MEIKIN: variants seen among roughly 807,000 people sequenced by gnomAD.
The protein encoded by MEIKIN is meiosis-specific kinetochore protein.
intron 7 of MEIKIN, among the ~76,000 whole-genome samples, chr5:131,915,765 G>T (rs982368658): frequency 6.6e-5 from 10 of 152,006 alleles, no homozygotes; most frequent in African/African-American, 2.4e-4. Flanking sequence ...AGGGGAGAAG[G>T]GTGATGAGGG....
intron 5 of MEIKIN, among the ~76,000 whole-genome samples, chr5:131,927,460 G>A (rs1751605994): frequency 6.6e-6 from 1 of 152,162 alleles, no homozygotes; most frequent in Non-Finnish European, 1.5e-5. Context: ...AGAATGTTTT[G>A]TATACATGTT....
intron 8 of MEIKIN, among the ~76,000 whole-genome samples, chr5:131,905,023 A>C (rs1369153712): frequency 6.6e-6 from 1 of 152,192 alleles, no homozygotes; most frequent in African/African-American, 2.4e-5. Context: ...ATTAGGAGAC[A>C]TACCTAATGT....
chr5:131,846,641 C>T (rs1364967848), intron 11 of MEIKIN, among the ~76,000 whole-genome samples: 3 of 152,062 alleles, frequency 2.0e-5, no homozygotes, highest in Non-Finnish European at 2.9e-5. Context: ...ACAAACATGA[C>T]AAAACCCTGT....
rs1232495989 is a variant in MEIKIN at position 131,933,493 on chromosome 5, G to A, written c.478+20C>T. The A allele has an allele frequency of 2.5e-6, 1 of 397,856 alleles. No individual in the cohort carries two copies. The highest frequency in any genetic ancestry group is 3.6e-5 in the East Asian group (1 of 27,976). The allele number at this position is 397,856 out of a possible 1,614,324, so 24.6% of individuals were successfully genotyped here. On this transcript the variant is annotated intron_variant, in intron 5 of 12. Transcript: ENST00000442687. The stretch of plus-strand genomic sequence containing the variant: ...TAATTTCTATAGTAGAGCAATTTAA[G>A]GTTGGAATTACTTTCTCACCTAAAT...
At chr5:131,884,110 G>C (rs1216656607) in intron 8 of MEIKIN, among the ~76,000 whole-genome samples, 1 of 146,896 alleles carries the variant, frequency 6.8e-6, no homozygotes, top group Non-Finnish European at 1.5e-5. Flanking sequence ...ACTCCCAGGC[G>C]AGTCCTAGTG....
At chr5:131,938,883 T>A (rs577631970) in intron 4 of MEIKIN, among the ~76,000 whole-genome samples, 1 of 152,342 alleles carries the variant, frequency 6.6e-6, no homozygotes, top group Non-Finnish European at 1.5e-5. Context: ...AATGGCATAA[T>A]AACTTGGGCT....
chr5:131,821,050 G>A (rs941156027), intron 11 of MEIKIN, among the ~76,000 whole-genome samples: 4 of 151,948 alleles, frequency 2.6e-5, no homozygotes, highest in Non-Finnish European at 4.4e-5. Flanking sequence ...TTTTGGGTTT[G>A]CTTTGCTCCT....
rs116212518 is a variant in MEIKIN, at chr5:131,930,156, T to C, written c.478+3357A>G. Among the ~76,000 whole-genome samples, 486 of 152,338 alleles carry C rather than the reference T, an allele frequency of 3.2e-3. 3 individuals carry two copies. The highest frequency in any genetic ancestry group is 0.011 in the African/African-American group (462 of 41,588). ...ATTCCTCCTGTGTACCAGCAGTGTATAAGCTTTCCCTTTTCTCTACAATCT... is the reference window on the plus strand; with the variant it reads ...ATTCCTCCTGTGTACCAGCAGTGTACAAGCTTTCCCTTTTCTCTACAATCT... On this transcript the variant is annotated intron_variant, in intron 5 of 12. Transcript: ENST00000442687.
At chr5:131,862,198 A>G (rs528156376) in intron 9 of MEIKIN, among the ~76,000 whole-genome samples, 5 of 152,146 alleles carry the variant, frequency 3.3e-5, no homozygotes, top group African/African-American at 1.2e-4. Flanking sequence ...TGTTTCCAGG[A>G]GTTTACCCAT....
In MEIKIN at chr5:131,866,222, T is replaced by C. The variant is rs181001768; in HGVS notation, c.775-11388A>G. ...CAGATCTGCAAGTGGCACATGCTGG[T>C]GAATGCCAGCTGTGGTGGTAGTGGC... On this transcript the variant is annotated intron_variant, in intron 9 of 12. Coordinates refer to ENST00000442687, the MANE Select transcript of MEIKIN (RefSeq NM_001303622.2). Among the ~76,000 whole-genome samples the C allele has an allele frequency of 2.1e-4, 32 of 152,280 alleles. No homozygotes were observed. The East Asian group carries it at 5.6e-3, about 27-fold the overall frequency.
chr5:131,885,362 AGAGAGAGAGAGAGAGAGAG>A (rs1750768243), intron 8 of MEIKIN, among the ~76,000 whole-genome samples: 2 of 26,460 alleles, frequency 7.6e-5, no homozygotes, highest in African/African-American at 1.1e-4. Context: ...AGAGAGAGAG[AGAGAGAGAGAGAGAGAGAG>A]AGAGAGAGAG....
intron 11 of MEIKIN, among the ~76,000 whole-genome samples, chr5:131,831,229 C>T (rs186969372): frequency 2.2e-4 from 33 of 152,310 alleles, no homozygotes; most frequent in Non-Finnish European, 4.0e-4. Flanking sequence ...GGATTCATCA[C>T]TCTCCTTCCC....
chr5:131,934,704 A>G lies in MEIKIN; in HGVS notation c.350-1063T>C, dbSNP rs150951918. Among the ~76,000 whole-genome samples, 670 of 152,346 alleles carry G rather than the reference A, an allele frequency of 4.4e-3. 12 individuals carry two copies. Among genetic ancestry groups the G allele is most frequent in the African/African-American group, 0.016 (651 of 41,582 alleles). ...CACTAAAAAAGATTCATAAAACAAT[A>G]GCACTGATAATTTGGACTTCAGCAA... On this transcript the variant is annotated intron_variant, in intron 4 of 12. Transcript: ENST00000442687.
At chr5:131,841,650 T>C (rs1295608987) in intron 11 of MEIKIN, among the ~76,000 whole-genome samples, 2 of 152,220 alleles carry the variant, frequency 1.3e-5, no homozygotes, top group African/African-American at 4.8e-5. Context: ...ATCTGGATAA[T>C]GATTGTAACG....
intron 4 of MEIKIN, among the ~76,000 whole-genome samples, chr5:131,936,128 A>G (rs1168084991): frequency 6.6e-6 from 1 of 152,228 alleles, no homozygotes; most frequent in Non-Finnish European, 1.5e-5. Flanking sequence ...AGGAAAGCCC[A>G]CCATCTGGGT....
At chr5:131,911,589 T>G (rs769874830) in intron 8 of MEIKIN, among the ~76,000 whole-genome samples, 1 of 151,810 alleles carries the variant, frequency 6.6e-6, no homozygotes. Context: ...ATTCATTAAA[T>G]GTTTATTAAA....
At chr5:131,890,833 T>C (rs1750898857) in intron 8 of MEIKIN, among the ~76,000 whole-genome samples, 2 of 152,224 alleles carry the variant, frequency 1.3e-5, no homozygotes, top group Admixed American at 6.5e-5. Flanking sequence ...AGATCTTTCC[T>C]GCTTTCTCTT....
At chr5:131,904,177 C>T (rs1476275577) in intron 8 of MEIKIN, among the ~76,000 whole-genome samples, 1 of 152,126 alleles carries the variant, frequency 6.6e-6, no homozygotes, top group African/African-American at 2.4e-5. Context: ...AAAGCAAGTT[C>T]TTAGAGACCT....
At chr5:131,942,585 G>T (rs916705624) in intron 4 of MEIKIN, 50 bp downstream of exon 4, 2 of 397,860 alleles carry the variant, frequency 5.0e-6, no homozygotes, top group Non-Finnish European at 8.9e-6. Context: ...GGATGCTTAT[G>T]TTTGGAGGAA....
Sources: gnomAD v4.1 joint callset for allele counts (sites outside exome capture counted in the v4.1 genomes callset) on GRCh38, gnomAD v4.1.1 for gene constraint, MANE v1.5 for transcripts, NCBI Gene and HGNC (gene_info 2026-07-23, HGNC 2026-07-21) for gene names.